Variants in SOS2 observed in about 807,000 individuals in gnomAD.
SOS2 encodes the protein son of sevenless homolog 2.
In SOS2, 65 loss-of-function variants were observed where a neutral mutation model predicts 148.2. That is an observed-to-expected ratio of 0.44 (90% CI 0.36 to 0.54). The LOEUF (loss-of-function observed/expected upper bound fraction) is 0.54. Ranked by LOEUF, SOS2 falls within the 20% of genes least tolerant of loss-of-function variation. The pLI is 0.00. For synonymous variants in SOS2, 539 were observed against 537.1 expected (o/e 1.00, Z -0.05); for missense variants, 1,341 against 1,590.2 (o/e 0.84, Z 2.67).
intron 8 of SOS2, among the ~76,000 whole-genome samples, chr14:50,161,875 C>T (rs1301510287): frequency 6.6e-6 from 1 of 150,860 alleles, no homozygotes; most frequent in Non-Finnish European, 1.5e-5. Context: ...CTCAGCCTCT[C>T]AAGTAGCTGA....
intron 8 of SOS2, among the ~76,000 whole-genome samples, chr14:50,171,518 T>C (rs1011150423): frequency 6.6e-6 from 1 of 151,702 alleles, no homozygotes; most frequent in Non-Finnish European, 1.5e-5. Flanking sequence ...ACCCTGTCTA[T>C]ACTAAAAATA....
intron 7 of SOS2, among the ~76,000 whole-genome samples, chr14:50,175,958 A>T (rs1338791120): frequency 6.6e-6 from 1 of 152,246 alleles, no homozygotes; most frequent in Non-Finnish European, 1.5e-5. Flanking sequence ...TTTCCTAAAG[A>T]TTAATTCATT....
chr14:50,118,412 T>C lies in SOS2; in HGVS notation c.3931A>G (p.Lys1311Glu). 6.2e-7 allele frequency: 1 copy of C among 1,614,156 alleles called. No homozygotes were observed. The highest frequency in any genetic ancestry group is 8.5e-7 in the Non-Finnish European group (1 of 1,180,014). Residue 1311 changes from lysine to glutamate, a missense_variant, in exon 23 of 23, where the codon AAA (lysine) becomes GAA (glutamate). Transcript: ENST00000216373. ...AATGGGGGGTGCGAAAGCTCCCGTTTGTAAGTCTTTGGTGGCAGTTTTGGC... is the reference window on the plus strand; with the variant it reads ...AATGGGGGGTGCGAAAGCTCCCGTTCGTAAGTCTTTGGTGGCAGTTTTGGC... ...HLPKLPPKTY[K>E]RELSHPPLYR... is the part of the protein sequence containing the mutation.
rs79281737 is a variant in SOS2, at chr14:50,165,203, G to A, written c.1069-3594C>T. Among the ~76,000 whole-genome samples, 886 of 152,098 alleles carry A rather than the reference G, an allele frequency of 5.8e-3. 11 individuals carry two copies. The highest frequency in any genetic ancestry group is 0.019 in the African/African-American group (792 of 41,472). On this transcript the variant is annotated intron_variant, in intron 8 of 22. Transcript: ENST00000216373. Reference sequence around the variant, plus strand: ...GATCAACTTCAGGAAATTTAACACCGAGTAATCTACTGCATAATCTAATCT... The same window carrying A: ...GATCAACTTCAGGAAATTTAACACCAAGTAATCTACTGCATAATCTAATCT...
intron 14 of SOS2, 39 bp from the exon 15 acceptor site, chr14:50,145,635 G>A: frequency 7.6e-7 from 1 of 1,316,574 alleles, no homozygotes; most frequent in Non-Finnish European, 1.1e-6. Context: ...ACCTATAAAG[G>A]ATTTGTATTA....
intron 6 of SOS2, among the ~76,000 whole-genome samples, chr14:50,182,019 ACTACT>A (rs1160587989): frequency 4.6e-5 from 7 of 150,736 alleles, no homozygotes; most frequent in African/African-American, 1.7e-4. Flanking sequence ...CCTAAATGTT[ACTACT>A]CTAGTTTATA....
At chr14:50,223,317 T>C (rs909116788) in intron 1 of SOS2, among the ~76,000 whole-genome samples, 2 of 152,254 alleles carry the variant, frequency 1.3e-5, no homozygotes, top group Admixed American at 6.5e-5. Flanking sequence ...GGAGGAATGC[T>C]TGGGCCCAGG....
intron 4 of SOS2, 55 bp from the exon 5 acceptor site, chr14:50,188,755 C>A: frequency 8.0e-7 from 1 of 1,252,374 alleles, no homozygotes; most frequent in Non-Finnish European, 1.1e-6. Flanking sequence ...TTTATAAAAA[C>A]TGCCTCAAAG....
At chr14:50,212,261 G>A (rs1259152499) in intron 1 of SOS2, among the ~76,000 whole-genome samples, 1 of 152,204 alleles carries the variant, frequency 6.6e-6, no homozygotes, top group East Asian at 1.9e-4. Context: ...GGATCACAAG[G>A]TCAAGAGATC....
rs564844092 is a variant in SOS2, at chr14:50,219,662, T to C, written c.87+11535A>G. On this transcript the variant is annotated intron_variant, in intron 1 of 22. Coordinates refer to ENST00000216373, the MANE Select transcript of SOS2 (RefSeq NM_006939.4). Reference sequence around the variant, plus strand: ...ATTGTTGAAAACATCAAATTGTACATTGTAAATATATGTACTGTAAATATA... The same window carrying C: ...ATTGTTGAAAACATCAAATTGTACACTGTAAATATATGTACTGTAAATATA... 3.9e-5 allele frequency among the ~76,000 whole-genome samples: 6 copies of C among 152,278 alleles called. No individual in the cohort carries two copies. The East Asian group carries it at 5.8e-4, about 15-fold the overall frequency.
rs545260987 is a variant in SOS2 at position 50,140,462 on chromosome 14, A to C, written c.2668-403T>G. ...AGAAGACAACTATCAGAAGACAAGA[A>C]GACTTGAACAAAAATTTAGTGAATG... On this transcript the variant is annotated intron_variant, in intron 16 of 22. Coordinates refer to ENST00000216373, the MANE Select transcript of SOS2 (RefSeq NM_006939.4). 4.7e-4 allele frequency among the ~76,000 whole-genome samples: 72 copies of C among 152,360 alleles called. 2 individuals carry two copies. The highest frequency in any genetic ancestry group is 1.7e-3 in the African/African-American group (71 of 41,580).
At chr14:50,118,912 T>C (rs1157964138) in intron 22 of SOS2, 59 bp from the exon 23 acceptor site, 2 of 1,119,408 alleles carry the variant, frequency 1.8e-6, no homozygotes, top group Non-Finnish European at 2.4e-6. Flanking sequence ...AAAAAAAATT[T>C]TTAAGTCTGA....
chr14:50,216,732 A>C (rs4900999), intron 1 of SOS2, among the ~76,000 whole-genome samples: 138,151 of 151,866 alleles, frequency 0.91, 63,068 homozygotes, highest in African/African-American at 0.98. Context: ...GAGACTCAAT[A>C]TCAAAAAATA....
At chr14:50,208,184 A>G (rs8012305) in intron 1 of SOS2, among the ~76,000 whole-genome samples, 2 of 151,998 alleles carry the variant, frequency 1.3e-5, no homozygotes, top group Non-Finnish European at 2.9e-5. Flanking sequence ...GTAGTCCCAG[A>G]TACTTGGGAG....
intron 18 of SOS2, among the ~76,000 whole-genome samples, chr14:50,138,240 T>C (rs567167759): frequency 6.6e-6 from 1 of 152,182 alleles, no homozygotes; most frequent in African/African-American, 2.4e-5. Context: ...CACTGCAACC[T>C]ACCCCTCCTA....
At chr14:50,175,302 A>C (rs957508370) in intron 7 of SOS2, among the ~76,000 whole-genome samples, 4 of 152,012 alleles carry the variant, frequency 2.6e-5, no homozygotes, top group Non-Finnish European at 5.9e-5. Flanking sequence ...TCTTAGACAG[A>C]TAGATATGAC....
intron 21 of SOS2, among the ~76,000 whole-genome samples, chr14:50,124,389 G>A (rs150886557): frequency 3.0e-4 from 45 of 152,200 alleles, no homozygotes; most frequent in African/African-American, 9.9e-4. Context: ...ACATTTATTG[G>A]GTATTTTGTA....
intron 5 of SOS2, 110 bp from the exon 6 acceptor site, chr14:50,182,716 G>A: frequency 5.2e-6 from 4 of 764,742 alleles, no homozygotes; most frequent in Non-Finnish European, 8.3e-6. Context: ...CTATGGAATA[G>A]CCCTGCTCCA....
intron 4 of SOS2, among the ~76,000 whole-genome samples, chr14:50,189,276 ATATG>A (rs1369032730): frequency 1.5e-5 from 2 of 136,482 alleles, no homozygotes; most frequent in Non-Finnish European, 3.0e-5. Context: ...GTACTAATAC[ATATG>A]TATATGTATA....
Sources: allele counts gnomAD v4.1 joint callset (sites outside exome capture counted in the v4.1 genomes callset), GRCh38; gene constraint gnomAD v4.1.1; transcripts MANE v1.5; gene names NCBI Gene and HGNC (gene_info 2026-07-23, HGNC 2026-07-21).